BRD4: variants seen among roughly 807,000 people sequenced by gnomAD.
The protein encoded by BRD4 is bromodomain containing 4, also known as bromodomain-containing protein 4.
In BRD4, 16 loss-of-function variants were observed where a neutral mutation model predicts 142.1. That is an observed-to-expected ratio of 0.11 (90% CI 0.08 to 0.17). The LOEUF is 0.17. Among genes scored for constraint, BRD4 ranks in the 10% least tolerant of loss-of-function variants. The probability of loss-of-function intolerance (pLI) is 1.00; values close to 1 mark genes in which losing one functional copy is unlikely to be tolerated. For synonymous variants in BRD4, 833 were observed against 707.5 expected (o/e 1.18, Z -2.82); for missense variants, 1,424 against 1,810.9 (o/e 0.79, Z 3.88).
chr19:15,239,090 C>T lies in BRD4; in HGVS notation c.3751G>A (p.Glu1251Lys). ...CGCTCCTGCCGCAGCCGCTCCTTCTCCTTCTCAGCGTGCTCGGCCTGAGCC... is the reference window on the plus strand; with the variant it reads ...CGCTCCTGCCGCAGCCGCTCCTTCTTCTTCTCAGCGTGCTCGGCCTGAGCC... ...LKAQAEHAEK[E>K]KERLRQERMR... Residue 1251 changes from glutamate (E) to lysine (K), a missense_variant, in exon 18 of 20, where the codon GAG (glutamate) becomes AAG (lysine). Physicochemically the swap from Glu to Lys is moderately conservative, Grantham distance 56. Around this residue, in one of 16 missense-constraint regions of BRD4, gnomAD observed 109 missense variants for 117.9 expected, o/e 0.92. Coordinates refer to ENST00000679869, the MANE Select transcript of BRD4 (RefSeq NM_001379291.1). This position sits in a 1 kb window ranked among gnomAD's most constrained non-coding sequence, Gnocchi z 7.4. 1.2e-6 allele frequency: 2 copies of T among 1,605,872 alleles called. No individual in the cohort carries two copies. Among genetic ancestry groups the T allele is most frequent in the Middle Eastern group, 1.7e-4 (1 of 6,054 alleles).
chr19:15,244,846 G>C, intron 11 of BRD4, 84 bp from the exon 12 acceptor site: 1 of 1,604,236 alleles, frequency 6.2e-7, no homozygotes, highest in Non-Finnish European at 8.5e-7. Context: ...GAGAAAACAG[G>C]GCACTTTCAG....
rs529558095 is a variant in BRD4 at position 15,305,976 on chromosome 19, T to C, written c.-35+26314A>G. Among the ~76,000 whole-genome samples the C allele has an allele frequency of 9.2e-5, 14 of 152,382 alleles. No individual in the cohort carries two copies. In the East Asian group the frequency reaches 2.7e-3, roughly 29 times the overall value. ...TTAAACCTCATGAACCAACCTCTGCTGGCTTCAAACTTTTCTTCTGCAGCT... is the reference window on the plus strand; with the variant it reads ...TTAAACCTCATGAACCAACCTCTGCCGGCTTCAAACTTTTCTTCTGCAGCT... On this transcript the variant is annotated intron_variant, in intron 1 of 19. Coordinates refer to ENST00000679869, the MANE Select transcript of BRD4 (RefSeq NM_001379291.1).
chr19:15,283,455 C>T (rs181971065), intron 1 of BRD4, among the ~76,000 whole-genome samples: 1 of 152,266 alleles, frequency 6.6e-6, no homozygotes, highest in East Asian at 1.9e-4. Context: ...ATATACCAAA[C>T]ACCAGGGAAA....
At chr19:15,267,778 C>A (rs1194004863) in intron 3 of BRD4, among the ~76,000 whole-genome samples, 1 of 152,220 alleles carries the variant, frequency 6.6e-6, no homozygotes, top group Non-Finnish European at 1.5e-5. Context: ...CTGCACCTCC[C>A]TCATCTTTTA....
Position 15,264,713 on chromosome 19 carries a change from G to A in BRD4, c.903C>T (p.Asp301=), listed in dbSNP as rs143194525. 672 of 1,612,894 alleles carry A rather than the reference G, an allele frequency of 4.2e-4. No individual in the cohort carries two copies. Among genetic ancestry groups the A allele is most frequent in the Non-Finnish European group, 5.4e-4 (632 of 1,179,942 alleles). Reference sequence around the variant, plus strand: ...GCAGCGAGGGTGGCTCGTGAATGGGGTCAATGGTGGTGGGGGTGGTGGTGT... The same window carrying A: ...GCAGCGAGGGTGGCTCGTGAATGGGATCAATGGTGGTGGGGGTGGTGGTGT... ...KADTTTPTTI[D]PIHEPPSLPP... The change falls in exon 6 of 20, where the codon GAC becomes GAT. Residue 301 remains aspartate, a synonymous_variant. Coordinates refer to ENST00000679869, the MANE Select transcript of BRD4 (RefSeq NM_001379291.1).
intron 1 of BRD4, among the ~76,000 whole-genome samples, chr19:15,285,794 C>T (rs1203843605): frequency 6.6e-6 from 1 of 152,076 alleles, no homozygotes; most frequent in African/African-American, 2.4e-5. Flanking sequence ...CAATCAGGAA[C>T]TAAAGGGAAA....
At chr19:15,264,257 C>T in intron 6 of BRD4, 147 bp downstream of exon 6, 1 of 1,129,962 alleles carries the variant, frequency 8.8e-7, no homozygotes, top group South Asian at 1.6e-5. Flanking sequence ...GCAGGGGGCG[C>T]TGAGTTTCTT....
intron 1 of BRD4, among the ~76,000 whole-genome samples, chr19:15,282,241 A>G (rs2047710223): frequency 6.6e-6 from 1 of 152,208 alleles, no homozygotes; most frequent in Admixed American, 6.5e-5. Flanking sequence ...AAAAAAACTG[A>G]CTGGCCTGCA....
chr19:15,240,616 A>T (rs1350406331), intron 14 of BRD4, among the ~76,000 whole-genome samples: 2 of 152,176 alleles, frequency 1.3e-5, no homozygotes, highest in Non-Finnish European at 2.9e-5. Flanking sequence ...GCAGGCGGAA[A>T]AGGGCCTGGA....
At chr19:15,294,342 C>T (rs1218299440) in intron 1 of BRD4, among the ~76,000 whole-genome samples, 1 of 152,248 alleles carries the variant, frequency 6.6e-6, no homozygotes, top group African/African-American at 2.4e-5. Context: ...GACAGGCACC[C>T]AGCCCTCAAG....
intron 1 of BRD4, among the ~76,000 whole-genome samples, chr19:15,302,438 C>T (rs574814685): frequency 1.1e-4 from 17 of 152,110 alleles, no homozygotes; most frequent in South Asian, 6.2e-4. Context: ...AGTTCGGCCA[C>T]GCACGGTGGC....
intron 14 of BRD4, among the ~76,000 whole-genome samples, chr19:15,242,262 A>G (rs1455372750): frequency 6.6e-6 from 1 of 152,116 alleles, no homozygotes; most frequent in Non-Finnish European, 1.5e-5. Flanking sequence ...GCAGCACCAC[A>G]TCAGGAGGCA....
chr19:15,238,163 G>C lies in BRD4; in HGVS notation c.*214C>G, dbSNP rs201236634. The C allele has an allele frequency of 1.5e-6, 1 of 678,974 alleles. No individual in the cohort carries two copies. Among genetic ancestry groups the C allele is most frequent in the Non-Finnish European group, 2.4e-6 (1 of 411,850 alleles). The allele number at this position is 678,974 out of a possible 1,614,324, so 42.1% of individuals were successfully genotyped here. A position where few individuals can be genotyped will look rare whatever the true frequency, so the allele number is the denominator to read the frequency against. Reference sequence around the variant, plus strand: ...GTGCTGAGCGGACGTCCTGTGAGGGGTGGTGGGTGGCGGGACGTCTGTCCG... The same window carrying C: ...GTGCTGAGCGGACGTCCTGTGAGGGCTGGTGGGTGGCGGGACGTCTGTCCG... On this transcript the variant is annotated 3_prime_UTR_variant, in exon 20 of 20. Transcript: ENST00000679869. This position sits in a 1 kb window ranked among gnomAD's most constrained non-coding sequence, Gnocchi z 7.2.
chr19:15,253,597 G>C (rs1449665168), intron 11 of BRD4: 2 of 1,591,344 alleles, frequency 1.3e-6, no homozygotes, highest in African/African-American at 1.3e-5. Context: ...CTCTGGGGAG[G>C]GGTAGGCAAT....
rs775138875 is a variant in BRD4 at position 15,239,177 on chromosome 19, C to T, written c.3664G>A (p.Asp1222Asn). 1.2e-5 allele frequency: 20 copies of T among 1,612,956 alleles called. No homozygotes were observed. The highest frequency in any genetic ancestry group is 2.2e-5 in the East Asian group (1 of 44,898). Residue 1222 changes from aspartate (D) to asparagine (N), a missense_variant, in exon 18 of 20, where the codon GAC (aspartate) becomes AAC (asparagine). This residue lies in a region of BRD4 where 49 missense variants were observed against 97.3 expected (regional missense o/e 0.50). Coordinates refer to ENST00000679869, the MANE Select transcript of BRD4 (RefSeq NM_001379291.1). The surrounding 1 kb of genome is among the most constrained non-coding windows in gnomAD (Gnocchi z 7.4). ...TPSSTAKSSS[D>N]SFEQFRRAAR... ...GCGCGGCGGAACTGCTCGAAGCTGT[C>T]GCTGGATGACTTGGCTGTGGAGGAG...
At chr19:15,250,022 G>A (rs1160348161) in intron 11 of BRD4, among the ~76,000 whole-genome samples, 1 of 152,118 alleles carries the variant, frequency 6.6e-6, no homozygotes, top group East Asian at 1.9e-4. Flanking sequence ...GACCAGGGAG[G>A]GGCACTGGGC....
At chr19:15,253,897 C>T (rs2145564413) in intron 11 of BRD4, 3 of 936,016 alleles carry the variant, frequency 3.2e-6, no homozygotes, top group South Asian at 1.7e-5. Context: ...ACGCCCTTGG[C>T]CATTCATCCT....
intron 3 of BRD4, among the ~76,000 whole-genome samples, 178 bp downstream of exon 3, chr19:15,268,727 C>A (rs1388300899): frequency 1.3e-5 from 2 of 152,130 alleles, no homozygotes; most frequent in African/African-American, 4.8e-5. Flanking sequence ...AAAAAGCCCA[C>A]ACCCAGTCAC....
chr19:15,284,077 C>T (rs960634207), intron 1 of BRD4, among the ~76,000 whole-genome samples: 3 of 152,126 alleles, frequency 2.0e-5, no homozygotes, highest in Non-Finnish European at 2.9e-5. Context: ...GAAGAGCTGA[C>T]GTTAATGGGA....
Sources: allele counts gnomAD v4.1 joint callset (sites outside exome capture counted in the v4.1 genomes callset), GRCh38; gene constraint gnomAD v4.1.1; regional missense constraint gnomAD v4.1.1; non-coding constraint Gnocchi (gnomAD v3.1); transcripts MANE v1.5; gene names NCBI Gene and HGNC (gene_info 2026-07-23, HGNC 2026-07-21).